ZGRF1: variants seen among roughly 807,000 people sequenced by gnomAD.
ZGRF1 encodes zinc finger GRF-type containing 1, also known as 5'-3' DNA helicase ZGRF1.
In ZGRF1, 196 loss-of-function variants were observed where a neutral mutation model predicts 203.5. The observed-to-expected ratio is 0.96, with a 90% confidence interval of 0.86 to 1.08. The LOEUF (loss-of-function observed/expected upper bound fraction) is 1.08. Ranked by LOEUF, ZGRF1 falls within the 50% of genes least tolerant of loss-of-function variation. ZGRF1 has a pLI of 0.00. For missense variants in ZGRF1, 2,326 were observed against 2,416.3 expected, an observed-to-expected ratio of 0.96 and a Z score of 0.78; for synonymous variants, 809 against 841.3, an observed-to-expected ratio of 0.96 and a Z score of 0.66.
chr4:112,542,434 G>A (rs1160442382), intron 24 of ZGRF1, among the ~76,000 whole-genome samples: 1 of 152,074 alleles, frequency 6.6e-6, no homozygotes, highest in South Asian at 2.1e-4. Context: ...AGTTCAAAAA[G>A]GCAAGAGAGA....
In ZGRF1 at chr4:112,585,555, C is replaced by T. The variant is rs76187047; in HGVS notation, c.4087G>A (p.Glu1363Lys). 17,238 of 1,609,630 alleles carry T rather than the reference C, an allele frequency of 0.011. 171 individuals are homozygous for T. The highest frequency in any genetic ancestry group is 0.035 in the Middle Eastern group (210 of 6,030). ...AGCAAGAATACCTTATTTGGACCTT[C>T]CTTTTTAACCATGACAAGTTTTGCA... Reference protein sequence around the residue: ...QPAKLVMVKKEGPNKGRLFYT... With the variant: ...QPAKLVMVKKKGPNKGRLFYT... The change falls in exon 14 of 28, where the codon GAA (glutamate) becomes AAA (lysine). Residue 1363 changes from glutamate (E) to lysine (K), a missense_variant. Coordinates refer to ENST00000505019, the MANE Select transcript of ZGRF1 (RefSeq NM_018392.5).
intron 7 of ZGRF1, among the ~76,000 whole-genome samples, chr4:112,611,865 AC>A (rs2046690186): frequency 2.0e-5 from 3 of 152,244 alleles, no homozygotes; most frequent in Admixed American, 2.0e-4. Flanking sequence ...GAGAAAATCA[AC>A]GTGTAACAAG....
At chr4:112,589,473 A>G (rs557254019) in intron 11 of ZGRF1, among the ~76,000 whole-genome samples, 2 of 152,188 alleles carry the variant, frequency 1.3e-5, no homozygotes, top group Non-Finnish European at 2.9e-5. Context: ...ATGGTAGAAG[A>G]TACTTTCAGG....
At chr4:112,587,969 A>T (rs2149028605) in intron 11 of ZGRF1, 40 bp from the exon 12 acceptor site, 1 of 1,434,950 alleles carries the variant, frequency 7.0e-7, no homozygotes, top group East Asian at 2.5e-5. Flanking sequence ...AAAATGTTCT[A>T]CTAGTTATCA....
chr4:112,625,936 T>C (rs2047227104), intron 3 of ZGRF1, among the ~76,000 whole-genome samples: 2 of 151,746 alleles, frequency 1.3e-5, no homozygotes, highest in African/African-American at 4.8e-5. Context: ...AAATAAAATA[T>C]ATATGAAGAT....
chr4:112,539,785 C>T (rs1480813289), intron 27 of ZGRF1, 78 bp downstream of exon 27: 1 of 1,581,090 alleles, frequency 6.3e-7, no homozygotes, highest in African/African-American at 1.3e-5. Flanking sequence ...GCTGTTCCTG[C>T]TTGAAGCACC....
chr4:112,575,942 G>A (rs1286548437), intron 16 of ZGRF1, among the ~76,000 whole-genome samples: 3 of 152,218 alleles, frequency 2.0e-5, no homozygotes, highest in Non-Finnish European at 1.5e-5. Flanking sequence ...GGTTCTCCCA[G>A]CACGCAGCTG....
chr4:112,568,590 T>C (rs1271519346), intron 16 of ZGRF1, among the ~76,000 whole-genome samples: 1 of 150,640 alleles, frequency 6.6e-6, no homozygotes, highest in Non-Finnish European at 1.5e-5. Context: ...TGGACACCTG[T>C]AATCCCAGCT....
At chr4:112,621,729 TGA>T (rs2047066676) in intron 4 of ZGRF1, among the ~76,000 whole-genome samples, 1 of 92,008 alleles carries the variant, frequency 1.1e-5, no homozygotes, top group Admixed American at 1.3e-4. Flanking sequence ...ACTAATGAAA[TGA>T]TTTTTTTTTC....
At chr4:112,624,608 A>T (rs2047169159) in intron 3 of ZGRF1, among the ~76,000 whole-genome samples, 1 of 152,080 alleles carries the variant, frequency 6.6e-6, no homozygotes, top group Admixed American at 6.6e-5. Flanking sequence ...ATTTGGGAGG[A>T]TAAGATAATT....
rs1741862874 is a variant in ZGRF1 at position 112,560,981 on chromosome 4, A to G, written c.4712T>C (p.Ile1571Thr). The G allele has an allele frequency of 6.2e-7, 1 of 1,608,760 alleles. No homozygotes were observed. The highest frequency in any genetic ancestry group is 8.5e-7 in the Non-Finnish European group (1 of 1,176,144). Residue 1571 changes from isoleucine to threonine, a missense_variant, in exon 19 of 28, where the codon ATA (isoleucine) becomes ACA (threonine). Transcript: ENST00000505019. Reference protein sequence around the residue: ...QYLLTTSSPTIVSNKRVSKRK... With the variant: ...QYLLTTSSPTTVSNKRVSKRK... ...CTTACTGACTCTTTTGTTACTAACT[A>G]TAGTTGGCGAAGACCTAATAAAAAT...
chr4:112,601,449 C>T (rs1046704346), intron 10 of ZGRF1, among the ~76,000 whole-genome samples: 1 of 151,940 alleles, frequency 6.6e-6, no homozygotes, highest in Non-Finnish European at 1.5e-5. Context: ...TGGCGCATGT[C>T]TGTAATCCCA....
In ZGRF1 at chr4:112,594,079, C is replaced by T. The variant is rs181090827; in HGVS notation, c.2977-4205G>A. 5.3e-5 allele frequency among the ~76,000 whole-genome samples: 8 copies of T among 152,204 alleles called. No homozygotes were observed. In the East Asian group the frequency reaches 1.2e-3, roughly 22 times the overall value. On this transcript the variant is annotated intron_variant, in intron 10 of 27. Coordinates refer to ENST00000505019, the MANE Select transcript of ZGRF1 (RefSeq NM_018392.5). ...CTAATCACCCATTCTAAAGTAGATTCCCTTATAATTTGAGAGTACTTTCAC... is the reference window on the plus strand; with the variant it reads ...CTAATCACCCATTCTAAAGTAGATTTCCTTATAATTTGAGAGTACTTTCAC...
At chr4:112,590,516 G>T (rs1302148914) in intron 10 of ZGRF1, among the ~76,000 whole-genome samples, 2 of 152,132 alleles carry the variant, frequency 1.3e-5, no homozygotes, top group African/African-American at 4.8e-5. Context: ...AATTGTTAGA[G>T]TGGCTTTTGA....
chr4:112,618,540 T>G lies in ZGRF1; in HGVS notation c.1502A>C (p.Asp501Ala). Reference protein sequence around the residue: ...NNSRISDDITDMISESKMDNE... With the variant: ...NNSRISDDITAMISESKMDNE... Reference sequence around the variant, plus strand: ...ATCCATTTTACTTTCAGAAATCATGTCTGTAATGTCATCAGAGATCCTAGA... The same window carrying G: ...ATCCATTTTACTTTCAGAAATCATGGCTGTAATGTCATCAGAGATCCTAGA... Residue 501 changes from aspartate (D) to alanine (A), a missense_variant, in exon 6 of 28, where the codon GAC becomes GCC. By Grantham distance (126) the Asp-to-Ala change is moderately radical. Transcript: ENST00000505019. 1 of 1,613,470 alleles carries G rather than the reference T, an allele frequency of 6.2e-7. No homozygotes were observed. The highest frequency in any genetic ancestry group is 8.5e-7 in the Non-Finnish European group (1 of 1,179,688).
At chr4:112,589,532 C>A in intron 11 of ZGRF1, 192 bp downstream of exon 11, 1 of 572,132 alleles carries the variant, frequency 1.7e-6, no homozygotes, top group Non-Finnish European at 3.1e-6. Context: ...AACTAGATAG[C>A]TAGAAGGGAA....
intron 16 of ZGRF1, 131 bp downstream of exon 16, chr4:112,581,532 A>G: frequency 2.8e-6 from 1 of 360,212 alleles, no homozygotes; most frequent in Non-Finnish European, 4.5e-6. Context: ...ATTAGTTTAT[A>G]ATACATATTA....
intron 8 of ZGRF1, chr4:112,607,811 T>G (rs1472334199): frequency 1.3e-5 from 2 of 152,336 alleles, no homozygotes; most frequent in Non-Finnish European, 2.9e-5. Flanking sequence ...CATCGTACTG[T>G]GCACCTGTGG....
rs1379984490 is a variant in ZGRF1 at position 112,617,987 on chromosome 4, T to C, written c.2055A>G (p.Ile685Met). 6.2e-7 allele frequency: 1 copy of C among 1,612,904 alleles called. No homozygotes were observed. The highest frequency in any genetic ancestry group is 8.5e-7 in the Non-Finnish European group (1 of 1,179,868). ...FALPPNKSKGINMNLHIPHIQ... is the reference protein window; with the variant it reads ...FALPPNKSKGMNMNLHIPHIQ... The stretch of plus-strand genomic sequence containing the variant: ...TATGAGGAATATGTAAATTCATGTT[T>C]ATACCTTTAGATTTATTCGGGGGTA... The change falls in exon 6 of 28, where the codon ATA (isoleucine) becomes ATG (methionine). Residue 685 changes from isoleucine (I) to methionine (M), a missense_variant. Physicochemically the swap from Ile to Met is conservative, Grantham distance 10. Coordinates refer to ENST00000505019, the MANE Select transcript of ZGRF1 (RefSeq NM_018392.5).
Sources: gnomAD v4.1 joint callset for allele counts (sites outside exome capture counted in the v4.1 genomes callset) on GRCh38, gnomAD v4.1.1 for gene constraint, MANE v1.5 for transcripts, NCBI Gene and HGNC (gene_info 2026-07-23, HGNC 2026-07-21) for gene names.